Variants in TRARG1 observed in about 807,000 individuals in gnomAD.
TRARG1 encodes the protein trafficking regulator of GLUT4 1.
Under a neutral mutation model 13.3 loss-of-function variants are expected in TRARG1, and 16 were observed. That is an observed-to-expected ratio of 1.20 (90% CI 0.81 to 1.83). The LOEUF is 1.83. Ranked by LOEUF, TRARG1 falls within the 40% of genes most tolerant of loss-of-function variation. The pLI is 0.00. For missense variants in TRARG1, 250 were observed against 237.4 expected (o/e 1.05, Z -0.35); for synonymous variants, 113 against 106.2 (o/e 1.06, Z -0.39).
chr17:1,298,335 G>A lies in TRARG1; in HGVS notation c.*71G>A, dbSNP rs916771924. 11 of 1,560,022 alleles carry A rather than the reference G, an allele frequency of 7.1e-6. No homozygotes were observed. Among genetic ancestry groups the A allele is most frequent in the African/African-American group, 1.4e-5 (1 of 73,608 alleles). On this transcript the variant is annotated 3_prime_UTR_variant, in exon 3 of 3. Coordinates refer to ENST00000333813, the MANE Select transcript of TRARG1 (RefSeq NM_172367.3). Reference sequence around the variant, plus strand: ...GGAGAGCTCTGACCTGCACACCGCGGGAGGCCAGGGTGCTGACTGTCAAGC... The same window carrying A: ...GGAGAGCTCTGACCTGCACACCGCGAGAGGCCAGGGTGCTGACTGTCAAGC...
At chr17:1,291,539 C>G (rs2072069511) in intron 1 of TRARG1, among the ~76,000 whole-genome samples, 1 of 152,232 alleles carries the variant, frequency 6.6e-6, no homozygotes, top group African/African-American at 2.4e-5. Context: ...TCTGGCCATG[C>G]TGAACTGTGA....
intron 1 of TRARG1, among the ~76,000 whole-genome samples, chr17:1,286,128 A>AGGAGAGGCCGTGAGG (rs1210988296): frequency 6.6e-6 from 1 of 152,218 alleles, no homozygotes; most frequent in East Asian, 1.9e-4. Flanking sequence ...GGCAGCCTGA[A>AGGAGAGGCCGTGAGG]GGAGAGGCCG....
intron 1 of TRARG1, among the ~76,000 whole-genome samples, chr17:1,292,029 G>A (rs149972423): frequency 1.9e-3 from 294 of 152,208 alleles, no homozygotes; most frequent in African/African-American, 6.6e-3. Flanking sequence ...AAATCAGCCA[G>A]GCGTGGTGGA....
intron 1 of TRARG1, among the ~76,000 whole-genome samples, chr17:1,282,135 C>T (rs1307991371): frequency 1.8e-5 from 2 of 110,662 alleles, no homozygotes; most frequent in African/African-American, 4.1e-5. Context: ...TACATATACA[C>T]GCATATATGT....
At chr17:1,284,775 G>C (rs1265343885) in intron 1 of TRARG1, among the ~76,000 whole-genome samples, 1 of 151,972 alleles carries the variant, frequency 6.6e-6, no homozygotes, top group African/African-American at 2.4e-5. Flanking sequence ...CCACCTCCCG[G>C]GTTCACGCCA....
chr17:1,297,647 A>C (rs1220241779), intron 2 of TRARG1, among the ~76,000 whole-genome samples: 1 of 131,712 alleles, frequency 7.6e-6, no homozygotes, highest in East Asian at 2.3e-4. Flanking sequence ...TCTGTCGCCC[A>C]GGCTAGAGTG....
At chr17:1,284,242 C>T (rs1371431776) in intron 1 of TRARG1, among the ~76,000 whole-genome samples, 4 of 152,218 alleles carry the variant, frequency 2.6e-5, no homozygotes, top group Admixed American at 6.5e-5. Context: ...TTCTCTAGAT[C>T]TGCCTATTCT....
intron 1 of TRARG1, among the ~76,000 whole-genome samples, chr17:1,293,786 C>T (rs12936035): frequency 0.47 from 71,497 of 151,636 alleles, 17,557 homozygotes; most frequent in African/African-American, 0.61. Flanking sequence ...TGGGTGCAGG[C>T]TGGTCAGAAT....
intron 1 of TRARG1, among the ~76,000 whole-genome samples, chr17:1,282,034 A>ACATATG (rs2071978326): frequency 4.4e-5 from 6 of 135,040 alleles, no homozygotes; most frequent in Non-Finnish European, 9.9e-5. Context: ...ATGTACATAT[A>ACATATG]TACACACATA....
chr17:1,297,507 G>A (rs2072120618), intron 2 of TRARG1, among the ~76,000 whole-genome samples: 1 of 151,594 alleles, frequency 6.6e-6, no homozygotes, highest in African/African-American at 2.4e-5. Flanking sequence ...CAAGGCAGGA[G>A]CCCACCAGCC....
At chr17:1,281,984 A>ATGCACATG (rs2071976588) in intron 1 of TRARG1, among the ~76,000 whole-genome samples, 1 of 151,698 alleles carries the variant, frequency 6.6e-6, no homozygotes, top group Admixed American at 6.6e-5. Flanking sequence ...GTGTACATAT[A>ATGCACATG]TGTACATATA....
intron 1 of TRARG1, among the ~76,000 whole-genome samples, chr17:1,283,274 C>T (rs754737573): frequency 6.6e-6 from 1 of 152,082 alleles, no homozygotes. Flanking sequence ...TGAAATGAGA[C>T]GGGCCACACC....
Position 1,298,395 on chromosome 17 carries a change from A to C in TRARG1, c.*131A>C. On this transcript the variant is annotated 3_prime_UTR_variant, in exon 3 of 3. Coordinates refer to ENST00000333813, the MANE Select transcript of TRARG1 (RefSeq NM_172367.3). ...CCCCAAGTTCCAAAAGCACAGACTC[A>C]AAGGGAAACCCCCCAGTCACCCACT... The C allele has an allele frequency of 3.7e-5, 36 of 972,114 alleles. No homozygotes were observed. Among genetic ancestry groups the C allele is most frequent in the East Asian group, 5.3e-5 (2 of 37,632 alleles). 60.2% of individuals were successfully genotyped at this position (972,114 alleles called of 1,614,324 possible).
intron 1 of TRARG1, among the ~76,000 whole-genome samples, chr17:1,282,194 G>GTGCGTATATGTACGTA (rs1567928104): frequency 0.012 from 1,501 of 125,808 alleles, 65 homozygotes; most frequent in Middle Eastern, 0.029. Context: ...ATATGTACGT[G>GTGCGTATATGTACGTA]TACACGTGCG....
intron 1 of TRARG1, among the ~76,000 whole-genome samples, chr17:1,291,009 G>A (rs1025833032): frequency 1.2e-4 from 18 of 150,854 alleles, no homozygotes; most frequent in African/African-American, 3.7e-4. Context: ...GGGTTCCAGC[G>A]ATTCTCCTGC....
chr17:1,292,747 G>A (rs756841506), intron 1 of TRARG1, among the ~76,000 whole-genome samples: 3 of 152,012 alleles, frequency 2.0e-5, no homozygotes, highest in Non-Finnish European at 4.4e-5. Flanking sequence ...CCCCTTTCAC[G>A]AGTTCTCCTG....
At chr17:1,280,829 C>T (rs2071967849) in intron 1 of TRARG1, among the ~76,000 whole-genome samples, 1 of 152,208 alleles carries the variant, frequency 6.6e-6, no homozygotes, top group African/African-American at 2.4e-5. Context: ...GCCACCTGGA[C>T]ATGCTCCCAG....
At chr17:1,298,006 G>C (rs1472289459) in intron 2 of TRARG1, among the ~76,000 whole-genome samples, 6 of 152,186 alleles carry the variant, frequency 3.9e-5, no homozygotes, top group Non-Finnish European at 5.9e-5. Context: ...GGCTCAGCTA[G>C]GGTTGCATGC....
In TRARG1 at chr17:1,280,235, CT is replaced by C; in HGVS notation, c.235del (p.Ser79ProfsTer90). ...HLEAPLPRSP[S>X]RASSRRASSI... ...TGGAGGCCCCACTGCCTCGGTCCCC[CT>C]CCCGGGCCAGCTCAAGGAGGGCGTC... is the stretch of plus-strand genomic sequence containing the variant. On this transcript the variant is annotated frameshift_variant, in exon 1 of 3. Transcript: ENST00000333813. LOFTEE classifies it high-confidence loss of function. 1 of 1,614,104 alleles carries C rather than the reference CT, an allele frequency of 6.2e-7. No homozygotes were observed. The highest frequency in any genetic ancestry group is 8.5e-7 in the Non-Finnish European group (1 of 1,180,008).
Sources: gnomAD v4.1 joint callset for allele counts (sites outside exome capture counted in the v4.1 genomes callset) on GRCh38, gnomAD v4.1.1 for gene constraint, MANE v1.5 for transcripts, NCBI Gene and HGNC (gene_info 2026-07-23, HGNC 2026-07-21) for gene names.